The following VWC2L variants were observed in gnomAD, a reference collection of about 807,000 sequenced individuals.
VWC2L encodes von Willebrand factor C domain-containing protein 2-like.
Under a neutral mutation model 21.6 loss-of-function variants are expected in VWC2L, and 10 were observed. The ratio of observed to expected loss-of-function variants is 0.46; its 90% confidence interval spans 0.29 to 0.78. The LOEUF is 0.78. Ranked by LOEUF, VWC2L falls within the 30% of genes least tolerant of loss-of-function variation. VWC2L has a pLI of 0.10. For synonymous variants in VWC2L, 96 were observed against 94.3 expected, an observed-to-expected ratio of 1.02 and a Z score of -0.10; for missense variants, 209 against 277.1, an observed-to-expected ratio of 0.75 and a Z score of 1.74.
chr2:214,545,589 G>C (rs1157640935), intron 3 of VWC2L, among the ~76,000 whole-genome samples: 1 of 152,174 alleles, frequency 6.6e-6, no homozygotes, highest in Non-Finnish European at 1.5e-5. Flanking sequence ...TGATGTTTCT[G>C]AAGTTCCAGA....
intron 3 of VWC2L, among the ~76,000 whole-genome samples, chr2:214,543,833 C>T (rs1467643458): frequency 6.6e-6 from 1 of 152,126 alleles, no homozygotes; most frequent in Non-Finnish European, 1.5e-5. Flanking sequence ...TGGCTTTTGG[C>T]CAGATCTGCC....
At chr2:214,514,455 A>G (rs1354796608) in intron 3 of VWC2L, among the ~76,000 whole-genome samples, 1 of 152,214 alleles carries the variant, frequency 6.6e-6, no homozygotes, top group African/African-American at 2.4e-5. Context: ...CTGTCTAGAT[A>G]TGGATATAGT....
chr2:214,558,997 A>C, intron 3 of VWC2L, among the ~76,000 whole-genome samples: 2 of 151,062 alleles, frequency 1.3e-5, no homozygotes, highest in South Asian at 2.1e-4. Flanking sequence ...CATTAGGTAT[A>C]TCTCCCAATG....
At chr2:214,449,458 T>C (rs1471351689) in intron 3 of VWC2L, among the ~76,000 whole-genome samples, 5 of 152,158 alleles carry the variant, frequency 3.3e-5, no homozygotes, top group Non-Finnish European at 7.4e-5. Flanking sequence ...AAAAAATTGA[T>C]TGTAGGAGAT....
intron 3 of VWC2L, among the ~76,000 whole-genome samples, chr2:214,547,964 G>A (rs960780250): frequency 6.6e-6 from 1 of 152,202 alleles, no homozygotes; most frequent in African/African-American, 2.4e-5. Flanking sequence ...GCCTCTAACT[G>A]TATGCATTAG....
At chr2:214,473,095 G>A (rs1703334211) in intron 3 of VWC2L, among the ~76,000 whole-genome samples, 1 of 152,104 alleles carries the variant, frequency 6.6e-6, no homozygotes, top group Non-Finnish European at 1.5e-5. Context: ...TCAAAAGTAA[G>A]CAAAAGCAAA....
intron 3 of VWC2L, among the ~76,000 whole-genome samples, chr2:214,547,944 A>C (rs1226851918): frequency 1.3e-5 from 2 of 152,320 alleles, no homozygotes; most frequent in Non-Finnish European, 1.5e-5. Context: ...CCACAAATAC[A>C]TGAAGGTTTG....
chr2:214,570,364 G>T (rs547206041), intron 3 of VWC2L, among the ~76,000 whole-genome samples: 9 of 152,110 alleles, frequency 5.9e-5, no homozygotes, highest in Non-Finnish European at 1.3e-4. Context: ...AACAGAATGT[G>T]GAAAATTATT....
chr2:214,483,889 T>C (rs1248144952), intron 3 of VWC2L, among the ~76,000 whole-genome samples: 1 of 152,174 alleles, frequency 6.6e-6, no homozygotes, highest in Non-Finnish European at 1.5e-5. Flanking sequence ...CTGAGTGGCT[T>C]GAAACCACAG....
At chr2:214,462,044 G>A (rs80113933) in intron 3 of VWC2L, among the ~76,000 whole-genome samples, 282 of 152,246 alleles carry the variant, frequency 1.9e-3, no homozygotes, top group African/African-American at 6.6e-3. Flanking sequence ...GTAGACACGG[G>A]AAAATGTCAC....
intron 3 of VWC2L, among the ~76,000 whole-genome samples, chr2:214,460,191 A>G (rs757403078): frequency 1.3e-5 from 2 of 152,094 alleles, no homozygotes; most frequent in Non-Finnish European, 2.9e-5. Context: ...GTGAGCCACC[A>G]TGCCTGGCCT....
rs201490612 is a variant in VWC2L at position 214,451,315 on chromosome 2, G to A, written c.520+14557G>A. Among the ~76,000 whole-genome samples, 499 of 148,316 alleles carry A rather than the reference G, an allele frequency of 3.4e-3. 14 individuals carry two copies. The highest frequency in any genetic ancestry group is 0.031 in the Middle Eastern group (9 of 288). ...AGGATAAGTGGGTCGGTGTGGGGGG[G>A]GGGGGCAGTAAAAGCTGAAATAATT... is the stretch of plus-strand genomic sequence containing the variant. On this transcript the variant is annotated intron_variant, in intron 3 of 3. Transcript: ENST00000312504.
intron 3 of VWC2L, among the ~76,000 whole-genome samples, chr2:214,449,876 T>C (rs2126184083): frequency 1.3e-5 from 2 of 152,306 alleles, no homozygotes; most frequent in Middle Eastern, 3.4e-3. Flanking sequence ...CTTTCCTTCC[T>C]TTTACCCATT....
intron 3 of VWC2L, among the ~76,000 whole-genome samples, chr2:214,458,205 T>C (rs1703085898): frequency 6.6e-6 from 1 of 152,098 alleles, no homozygotes; most frequent in Non-Finnish European, 1.5e-5. Context: ...GCCCGTAGGT[T>C]TGCAGTATGT....
intron 3 of VWC2L, among the ~76,000 whole-genome samples, chr2:214,484,640 ATT>A (rs1284810142): frequency 5.9e-5 from 9 of 152,178 alleles, no homozygotes; most frequent in African/African-American, 9.7e-5. Flanking sequence ...TATGGGCTCA[ATT>A]TTAAGATATG....
At chr2:214,430,710 A>C (rs758753913) in intron 2 of VWC2L, among the ~76,000 whole-genome samples, 7 of 152,224 alleles carry the variant, frequency 4.6e-5, no homozygotes, top group Admixed American at 2.6e-4. Flanking sequence ...ATACTCCAGA[A>C]TGTATTATCA....
chr2:214,522,060 A>G lies in VWC2L; in HGVS notation c.521-53612A>G, dbSNP rs571088225. Among the ~76,000 whole-genome samples the G allele has an allele frequency of 2.6e-5, 4 of 152,330 alleles. No homozygotes were observed. In the East Asian group the frequency reaches 7.7e-4, roughly 29 times the overall value. On this transcript the variant is annotated intron_variant, in intron 3 of 3. Coordinates refer to ENST00000312504, the MANE Select transcript of VWC2L (RefSeq NM_001080500.4). The stretch of plus-strand genomic sequence containing the variant: ...CGAAAGTCCAGATAATAGCTAGACA[A>G]TGTTTAATCCTAGTCTTTTACAAAT...
At position 214,557,123 on chromosome 2, in the gene VWC2L, C is replaced by T. The variant is rs1051283091; in HGVS notation, c.521-18549C>T. Among the ~76,000 whole-genome samples the T allele has an allele frequency of 5.9e-5, 9 of 151,998 alleles. 1 individual carries two copies. The highest frequency in any genetic ancestry group is 5.9e-4 in the Admixed American group (9 of 15,252). The stretch of plus-strand genomic sequence containing the variant: ...ATTTGCCTCAGATGCTGTATTAGTT[C>T]GTTTACATGCTGCTGATAAAGACAT... On this transcript the variant is annotated intron_variant, in intron 3 of 3. Coordinates refer to ENST00000312504, the MANE Select transcript of VWC2L (RefSeq NM_001080500.4).
chr2:214,426,696 C>CT (rs1295924527), intron 2 of VWC2L, among the ~76,000 whole-genome samples: 6 of 152,216 alleles, frequency 3.9e-5, no homozygotes, highest in African/African-American at 1.4e-4. Context: ...TCTTCTAACT[C>CT]TAACTCTAGG....
Sources: gnomAD v4.1 joint callset for allele counts (sites outside exome capture counted in the v4.1 genomes callset) on GRCh38, gnomAD v4.1.1 for gene constraint, MANE v1.5 for transcripts, NCBI Gene and HGNC (gene_info 2026-07-23, HGNC 2026-07-21) for gene names.